PRELID2: variants seen among roughly 807,000 people sequenced by gnomAD.
The protein encoded by PRELID2 is PRELI domain containing 2, also known as PRELI domain-containing protein 2.
Under a neutral mutation model 28.4 loss-of-function variants are expected in PRELID2, and 25 were observed. The observed-to-expected ratio is 0.88, with a 90% CI of 0.64 to 1.23. The LOEUF (loss-of-function observed/expected upper bound fraction) is 1.23, where lower values mean the gene tolerates loss of function less well. PRELID2 is among the 50% of genes most tolerant of loss of function. The pLI is 0.00. For synonymous variants in PRELID2, 76 were observed against 71.6 expected (o/e 1.06, Z -0.31); for missense variants, 201 against 214.4 (o/e 0.94, Z 0.39).
At chr5:145,338,338 T>G in the PRELID2 span, 1 of 152,202 alleles carries the variant, frequency 6.6e-6, no homozygotes, top group African/African-American at 2.4e-5. Context: ...GCAACATACT[T>G]CCTTGTAGTT....
chr5:145,292,583 T>G, the PRELID2 span, among the ~76,000 whole-genome samples: 1 of 152,170 alleles, frequency 6.6e-6, no homozygotes, highest in Non-Finnish European at 1.5e-5. Flanking sequence ...TTGAATAAAC[T>G]AAATTCAGTG....
the PRELID2 span, among the ~76,000 whole-genome samples, chr5:145,386,438 G>T: frequency 1.3e-5 from 2 of 152,034 alleles, no homozygotes; most frequent in Admixed American, 1.3e-4. Context: ...GGTCTCATGA[G>T]ATCTGATGGT....
intron 1 of PRELID2, among the ~76,000 whole-genome samples, chr5:145,581,367 T>C (rs1483165223): frequency 6.6e-6 from 1 of 152,104 alleles, no homozygotes. Context: ...TTTCCTACTG[T>C]CTGGCACAAT....
the PRELID2 span, among the ~76,000 whole-genome samples, chr5:145,445,870 TG>T: frequency 6.6e-5 from 10 of 151,900 alleles, no homozygotes; most frequent in African/African-American, 2.4e-4. Flanking sequence ...TAGCAAATGC[TG>T]GTGGGGATAT....
the PRELID2 span, among the ~76,000 whole-genome samples, chr5:145,383,142 T>C: frequency 6.7e-6 from 1 of 149,058 alleles, no homozygotes; most frequent in African/African-American, 2.5e-5. Context: ...CTAAAACATG[T>C]GGGAAAAAAA....
At chr5:145,630,737 G>A (rs1753921525) in intron 1 of PRELID2, among the ~76,000 whole-genome samples, 1 of 152,166 alleles carries the variant, frequency 6.6e-6, no homozygotes, top group South Asian at 2.1e-4. Context: ...CATACCATTG[G>A]CTGCCTGATT....
At chr5:145,377,155 C>T in the PRELID2 span, among the ~76,000 whole-genome samples, 33 of 152,264 alleles carry the variant, frequency 2.2e-4, no homozygotes, top group African/African-American at 7.5e-4. Context: ...ACCTAAAAGT[C>T]ATTCAAGAGA....
At chr5:145,641,363 C>T (rs1312521184) in intron 1 of PRELID2, among the ~76,000 whole-genome samples, 2 of 151,864 alleles carry the variant, frequency 1.3e-5, no homozygotes, top group Non-Finnish European at 2.9e-5. Flanking sequence ...ATCTAAATGG[C>T]CATTAATACC....
chr5:145,818,408 T>G (rs1754524374), intron 3 of PRELID2, among the ~76,000 whole-genome samples: 1 of 152,192 alleles, frequency 6.6e-6, no homozygotes, highest in Non-Finnish European at 1.5e-5. Context: ...CAAGCTCACA[T>G]GCAGAACAAT....
chr5:145,449,233 C>T, the PRELID2 span, among the ~76,000 whole-genome samples: 3 of 152,118 alleles, frequency 2.0e-5, no homozygotes, highest in South Asian at 2.1e-4. Context: ...AATGAGATGG[C>T]CAGGTGGGAA....
chr5:145,267,168 C>T, the PRELID2 span, among the ~76,000 whole-genome samples: 1 of 152,206 alleles, frequency 6.6e-6, no homozygotes, highest in Non-Finnish European at 1.5e-5. Context: ...AAGCATTCAG[C>T]ACAGGAGAAA....
the PRELID2 span, among the ~76,000 whole-genome samples, chr5:145,404,828 C>A: frequency 6.6e-6 from 1 of 152,038 alleles, no homozygotes; most frequent in Non-Finnish European, 1.5e-5. Context: ...AGAGGAGGCT[C>A]AAGGCAAAAG....
At chr5:145,462,184 T>G in the PRELID2 span, among the ~76,000 whole-genome samples, 1 of 152,166 alleles carries the variant, frequency 6.6e-6, no homozygotes, top group South Asian at 2.1e-4. Context: ...AGAGCACTGA[T>G]ACAATAAAAT....
chr5:145,493,787 G>T (rs1210911911), intron 1 of PRELID2, among the ~76,000 whole-genome samples: 1 of 151,986 alleles, frequency 6.6e-6, no homozygotes, highest in Non-Finnish European at 1.5e-5. Flanking sequence ...CCATGATGAG[G>T]CTTCTCCTAA....
the PRELID2 span, among the ~76,000 whole-genome samples, chr5:145,345,527 T>C: frequency 6.6e-6 from 1 of 152,020 alleles, no homozygotes; most frequent in South Asian, 2.1e-4. Context: ...GAAAATTCTG[T>C]GCTCCCACAG....
At chr5:145,537,871 G>C (rs1752712944) in intron 1 of PRELID2, among the ~76,000 whole-genome samples, 1 of 151,566 alleles carries the variant, frequency 6.6e-6, no homozygotes, top group Non-Finnish European at 1.5e-5. Context: ...TTTTTTCTTA[G>C]TTGTCTATGT....
chr5:145,781,439 G>T (rs914555037), intron 5 of PRELID2, among the ~76,000 whole-genome samples: 2 of 151,812 alleles, frequency 1.3e-5, no homozygotes, highest in Non-Finnish European at 2.9e-5. Flanking sequence ...TCAACACAAA[G>T]AGCCTAGGAA....
intron 5 of PRELID2, among the ~76,000 whole-genome samples, chr5:145,778,946 C>T (rs1273195051): frequency 6.6e-6 from 1 of 152,092 alleles, no homozygotes; most frequent in African/African-American, 2.4e-5. Context: ...GGATGCTAAG[C>T]AAATTGGATG....
chr5:145,421,367 A>C, the PRELID2 span, among the ~76,000 whole-genome samples: 60 of 150,566 alleles, frequency 4.0e-4, no homozygotes, highest in East Asian at 8.2e-3. Context: ...TGGTCCTGGA[A>C]TCTTTTTGGT....
Sources: gnomAD v4.1 joint callset for allele counts (sites outside exome capture counted in the v4.1 genomes callset) on GRCh38, gnomAD v4.1.1 for gene constraint, MANE v1.5 for transcripts, NCBI Gene and HGNC (gene_info 2026-07-23, HGNC 2026-07-21) for gene names.